ADCY3: variants seen among roughly 807,000 people sequenced by gnomAD.
The protein encoded by ADCY3 is adenylate cyclase type 3.
In ADCY3, 70 loss-of-function variants were observed where a neutral mutation model predicts 119.4. The ratio of observed to expected loss-of-function variants is 0.59; its 90% CI spans 0.48 to 0.72. The LOEUF is 0.72. Ranked by LOEUF, ADCY3 falls within the 30% of genes least tolerant of loss-of-function variation. ADCY3 has a pLI of 0.00. For synonymous variants in ADCY3, 672 were observed against 621.4 expected (o/e 1.08, Z -1.21); for missense variants, 1,238 against 1,541.6 (o/e 0.80, Z 3.30).
chr2:24,823,483 T>C (rs1668098741), intron 17 of ADCY3, 128 bp from the exon 18 acceptor site: 1 of 975,666 alleles, frequency 1.0e-6, no homozygotes, highest in South Asian at 2.0e-5. Context: ...TCAGTCAGAT[T>C]ATTCCAGCAT....
chr2:24,833,941 T>C (rs1669948001), intron 11 of ADCY3, among the ~76,000 whole-genome samples: 2 of 152,198 alleles, frequency 1.3e-5, no homozygotes, highest in South Asian at 4.1e-4. Context: ...GAATCCCCGA[T>C]TGGCCGAGGG....
At chr2:24,827,514 T>C (rs1443557919) in intron 15 of ADCY3, 32 bp downstream of exon 15, 8 of 1,566,264 alleles carry the variant, frequency 5.1e-6, no homozygotes, top group Non-Finnish European at 6.9e-6. Flanking sequence ...GGGCTGTGAG[T>C]GCAGGCCAGG....
At position 24,898,196 on chromosome 2, in the gene ADCY3, C is replaced by T. The variant is rs17046717; in HGVS notation, c.675+20117G>A. ...TACTGACCTCAGGATCGAAATCCAA[C>T]GTGCCCTTCACGGCCCAGCTCAGTA... On this transcript the variant is annotated intron_variant, in intron 2 of 21. Transcript: ENST00000679454. This position sits in a 1 kb window ranked among gnomAD's most constrained non-coding sequence, Gnocchi z 4.3. Among the ~76,000 whole-genome samples, 5 of 152,240 alleles carry T rather than the reference C, an allele frequency of 3.3e-5. No individual in the cohort carries two copies. The highest frequency in any genetic ancestry group is 2.1e-4 in the South Asian group (1 of 4,818).
intron 15 of ADCY3, chr2:24,826,487 G>A (rs1041791659): frequency 1.9e-5 from 4 of 207,228 alleles, no homozygotes; most frequent in Non-Finnish European, 3.8e-5. Context: ...CATAGCCATG[G>A]GACTGGGGTA....
intron 2 of ADCY3, among the ~76,000 whole-genome samples, chr2:24,881,834 G>C (rs1676437524): frequency 6.6e-6 from 1 of 152,016 alleles, no homozygotes; most frequent in African/African-American, 2.4e-5. Context: ...CGTTTTGACA[G>C]TCACGACTAG....
intron 3 of ADCY3, among the ~76,000 whole-genome samples, chr2:24,870,184 G>A (rs1003631047): frequency 6.6e-6 from 1 of 151,630 alleles, no homozygotes. Flanking sequence ...AGCCAGGTGT[G>A]GTGGCAGGTG....
At chr2:24,825,336 G>GCGGA (rs1456084558) in intron 16 of ADCY3, among the ~76,000 whole-genome samples, 1 of 11,794 alleles carries the variant, frequency 8.5e-5, no homozygotes, top group Admixed American at 1.4e-3. Context: ...GGTTGTGGCG[G>GCGGA]GGGGGGGGGG....
rs1248146184 is a variant in ADCY3 at position 24,838,774 on chromosome 2, A to ACTAACTAGCTGTGTGGGCCG, written c.1356-172_1356-153dup. On this transcript the variant is annotated intron_variant, in intron 7 of 21. Coordinates refer to ENST00000679454, the MANE Select transcript of ADCY3 (RefSeq NM_004036.5). ...GAGGCCAAGTGGAGGCAGTTCTGCC[A>ACTAACTAGCTGTGTGGGCCG]CTAACTAGCTGTGTGGGCCGCTAAC... is the stretch of plus-strand genomic sequence containing the variant. 112 of 1,591,758 alleles carry ACTAACTAGCTGTGTGGGCCG rather than the reference A, an allele frequency of 7.0e-5. 1 individual carries two copies. Among genetic ancestry groups the ACTAACTAGCTGTGTGGGCCG allele is most frequent in the South Asian group, 3.4e-4 (30 of 89,518 alleles).
chr2:24,918,519 G>C lies in ADCY3; in HGVS notation c.469C>G (p.Leu157Val), dbSNP rs1462529821. 16 of 1,613,886 alleles carry C rather than the reference G, an allele frequency of 9.9e-6. No individual in the cohort carries two copies. Among genetic ancestry groups the C allele is most frequent in the Non-Finnish European group, 1.3e-5 (15 of 1,179,944 alleles). ...ITAQIFSYLG[L>V]NFARAHAASD... is the part of the protein sequence containing the mutation. ...GCCGCGTGGGCACGCGCGAAGTTCA[G>C]GCCCAGGTAGGAGAAGATCTGGGCG... Residue 157 changes from leucine to valine, a missense_variant, in exon 2 of 22, where the codon CTG (leucine) becomes GTG (valine). By Grantham distance (32) the Leu-to-Val change is conservative. Around this residue, in one of 7 missense-constraint regions of ADCY3, gnomAD observed 227 missense variants for 249.3 expected, o/e 0.91. Transcript: ENST00000679454. The surrounding 1 kb of genome is among the most constrained non-coding windows in gnomAD (Gnocchi z 5.4).
At chr2:24,845,035 G>A (rs933849421) in intron 3 of ADCY3, among the ~76,000 whole-genome samples, 10 of 152,302 alleles carry the variant, frequency 6.6e-5, no homozygotes, top group Non-Finnish European at 1.2e-4. Flanking sequence ...CTGCCACCAG[G>A]TAAGAAGTGC....
At chr2:24,886,598 C>T (rs1001702745) in intron 2 of ADCY3, among the ~76,000 whole-genome samples, 9 of 152,230 alleles carry the variant, frequency 5.9e-5, no homozygotes, top group African/African-American at 1.9e-4. Flanking sequence ...AGGGTCATGA[C>T]AACCAGGAAT....
At chr2:24,825,968 C>T in intron 16 of ADCY3, 77 bp downstream of exon 16, 10 of 1,435,164 alleles carry the variant, frequency 7.0e-6, no homozygotes, top group East Asian at 2.3e-5. Context: ...AGCTTGGGCT[C>T]TTAGGTCCCA....
chr2:24,870,321 C>CA (rs34685288), intron 3 of ADCY3, among the ~76,000 whole-genome samples: 3,373 of 86,998 alleles, frequency 0.039, 194 homozygotes, highest in African/African-American at 0.13. Context: ...GACTCCATGT[C>CA]AAAAAAAAAA....
intron 2 of ADCY3, among the ~76,000 whole-genome samples, chr2:24,897,097 A>G (rs1678377719): frequency 6.6e-6 from 1 of 152,072 alleles, no homozygotes; most frequent in Admixed American, 6.5e-5. Flanking sequence ...AGATGACATC[A>G]TGGTAGATCA....
In ADCY3 at chr2:24,822,565, C is replaced by T. The variant is rs146622426; in HGVS notation, c.2949G>A (p.Ala983=). The T allele has an allele frequency of 2.4e-4, 391 of 1,613,904 alleles. No homozygotes were observed. Among genetic ancestry groups the T allele is most frequent in the Non-Finnish European group, 3.1e-4 (368 of 1,179,960 alleles). ...TGACATCGGGGGTGACTCCTGAAGCCGCCATATACGTGCTGCCAATGGTTT... is the reference window on the plus strand; with the variant it reads ...TGACATCGGGGGTGACTCCTGAAGCTGCCATATACGTGCTGCCAATGGTTT... ...KIKTIGSTYM[A]ASGVTPDVNT... Residue 983 remains alanine (A), a synonymous_variant, in exon 19 of 22, where the codon GCG becomes GCA. Coordinates refer to ENST00000679454, the MANE Select transcript of ADCY3 (RefSeq NM_004036.5).
chr2:24,831,027 G>A (rs1669420461), intron 12 of ADCY3, among the ~76,000 whole-genome samples: 1 of 152,034 alleles, frequency 6.6e-6, no homozygotes, highest in African/African-American at 2.4e-5. Context: ...GGACCTCCTC[G>A]ATGTGCCTGT....
At chr2:24,833,041 C>G (rs928316993) in intron 11 of ADCY3, among the ~76,000 whole-genome samples, 3 of 152,232 alleles carry the variant, frequency 2.0e-5, no homozygotes, top group African/African-American at 7.2e-5. Context: ...AATCCAACCA[C>G]TGATCCTCCT....
At chr2:24,857,963 G>A (rs1350603208) in intron 3 of ADCY3, among the ~76,000 whole-genome samples, 3 of 148,180 alleles carry the variant, frequency 2.0e-5, no homozygotes, top group African/African-American at 5.1e-5. Context: ...CCAGTGCCTA[G>A]AAAAGTCCTG....
intron 3 of ADCY3, among the ~76,000 whole-genome samples, chr2:24,855,734 C>T (rs1041646935): frequency 2.6e-5 from 4 of 152,170 alleles, no homozygotes; most frequent in African/African-American, 7.2e-5. Context: ...GAAGAAGCAC[C>T]CAGGCCTGCA....
Sources: allele counts gnomAD v4.1 joint callset (sites outside exome capture counted in the v4.1 genomes callset), GRCh38; gene constraint gnomAD v4.1.1; regional missense constraint gnomAD v4.1.1; non-coding constraint Gnocchi (gnomAD v3.1); transcripts MANE v1.5; gene names NCBI Gene and HGNC (gene_info 2026-07-23, HGNC 2026-07-21).